CNNM3: variants seen among roughly 807,000 people sequenced by gnomAD.
The protein encoded by CNNM3 is metal transporter CNNM3.
In CNNM3, 47 loss-of-function variants were observed where a neutral mutation model predicts 57.1. That is an observed-to-expected ratio of 0.82 (90% CI 0.65 to 1.05). The LOEUF (loss-of-function observed/expected upper bound fraction) is 1.05. Among genes scored for constraint, CNNM3 ranks in the 50% least tolerant of loss-of-function variants. CNNM3 has a pLI of 0.00. For missense variants in CNNM3, 957 were observed against 973.7 expected (o/e 0.98, Z 0.23); for synonymous variants, 507 against 478.2 (o/e 1.06, Z -0.79).
chr2:96,816,551 TC>T lies in CNNM3; in HGVS notation c.279del (p.Ala94ArgfsTer63). 3 of 1,323,910 alleles carry T rather than the reference TC, an allele frequency of 2.3e-6. No individual in the cohort carries two copies. Among genetic ancestry groups the T allele is most frequent in the South Asian group, 2.0e-5 (1 of 48,784 alleles). 82.0% of individuals were successfully genotyped at this position (1,323,910 alleles called of 1,614,324 possible). On this transcript the variant is annotated frameshift_variant, in exon 1 of 8. Coordinates refer to ENST00000305510, the MANE Select transcript of CNNM3 (RefSeq NM_017623.5). LOFTEE classifies it high-confidence loss of function. ...GGCGGGCTGCCGGGAGGAGGCGGCCTCCCCCGCGGGCGAGTGGCGCGCGCTG... is the reference window on the plus strand; with the variant it reads ...GGCGGGCTGCCGGGAGGAGGCGGCCTCCCCGCGGGCGAGTGGCGCGCGCTG... ...EGAGCREEAA[S>X]PAGEWRALLR...
At chr2:96,835,718 C>T (rs1443554531), downstream of CNNM3, among the ~76,000 whole-genome samples, 5 of 152,228 alleles carry the variant, frequency 3.3e-5, no homozygotes, top group East Asian at 1.9e-4. Context: ...CTGCCCGCCT[C>T]AGCCTCCCAA....
rs1198639867 is a variant in CNNM3, at chr2:96,817,360, C to T, written c.1083C>T (p.Asp361=). ...VYEEERSNIV[D]MLYLKDLAFV... is the part of the protein sequence containing the mutation. ...AGGAGGAGCGCTCCAACATCGTGGA[C>T]ATGCTCTACCTCAAGGACTTGGCCT... is the stretch of plus-strand genomic sequence containing the variant. Residue 361 remains aspartate, a synonymous_variant, in exon 1 of 8, where the codon GAC becomes GAT. Coordinates refer to ENST00000305510, the MANE Select transcript of CNNM3 (RefSeq NM_017623.5). The T allele has an allele frequency of 6.2e-7, 1 of 1,614,210 alleles. No individual in the cohort carries two copies. The highest frequency in any genetic ancestry group is 1.7e-5 in the Admixed American group (1 of 60,034).
intron 7 of CNNM3, among the ~76,000 whole-genome samples, chr2:96,829,543 C>G (rs1358534577): frequency 6.6e-6 from 1 of 151,432 alleles, no homozygotes. Flanking sequence ...TCAGATGATC[C>G]GCCTGCCTCA....
chr2:96,824,451 GTCTA>G (rs1338151195), intron 1 of CNNM3: 4 of 154,262 alleles, frequency 2.6e-5, no homozygotes, highest in Non-Finnish European at 2.9e-5. Context: ...CATACACACA[GTCTA>G]TCTGTCTGTC....
chr2:96,823,570 G>A (rs542816036), intron 1 of CNNM3, among the ~76,000 whole-genome samples: 12 of 152,340 alleles, frequency 7.9e-5, no homozygotes, highest in African/African-American at 2.6e-4. Context: ...CCGGAAAGCG[G>A]GGAGACGATT....
At chr2:96,827,106 TG>T in intron 3 of CNNM3, 124 bp downstream of exon 3, 1 of 1,051,162 alleles carries the variant, frequency 9.5e-7, no homozygotes, top group Non-Finnish European at 1.4e-6. Context: ...TGAGGACTTC[TG>T]TGTTCTCTGC....
chr2:96,826,779 C>A, intron 2 of CNNM3, 54 bp from the exon 3 acceptor site: 1 of 1,604,688 alleles, frequency 6.2e-7, no homozygotes, highest in South Asian at 1.1e-5. Flanking sequence ...TTAGTGTGGT[C>A]GTGTTGACTG....
At chr2:96,836,095 T>G (rs2079687660), downstream of CNNM3, among the ~76,000 whole-genome samples, 1 of 147,626 alleles carries the variant, frequency 6.8e-6, no homozygotes, top group African/African-American at 2.5e-5. Flanking sequence ...CCCCTTTTTT[T>G]TTTCCTGAGA....
chr2:96,826,776 G>A (rs2079513264), intron 2 of CNNM3, 57 bp from the exon 3 acceptor site: 4 of 1,602,772 alleles, frequency 2.5e-6, no homozygotes, highest in Admixed American at 1.7e-5. Context: ...CCCTTAGTGT[G>A]GTCGTGTTGA....
In CNNM3 at chr2:96,825,053, C is replaced by T. The variant is rs746914908; in HGVS notation, c.1226-5C>T. 4 of 1,612,392 alleles carry T rather than the reference C, an allele frequency of 2.5e-6. No homozygotes were observed. In the South Asian group the frequency reaches 3.3e-5, roughly 13 times the overall value. ...AGCTGTTCCATGAGTGTCCTCCCCCCACAGGGAAGTCCCACCTGGCCATCG... is the reference window on the plus strand; with the variant it reads ...AGCTGTTCCATGAGTGTCCTCCCCCTACAGGGAAGTCCCACCTGGCCATCG... On this transcript the variant is annotated splice_polypyrimidine_tract_variant and splice_region_variant and intron_variant, in intron 1 of 7. Transcript: ENST00000305510.
intron 1 of CNNM3, chr2:96,824,518 CA>C (rs1422340716): frequency 6.4e-6 from 1 of 155,150 alleles, no homozygotes; most frequent in Non-Finnish European, 1.4e-5. Context: ...GACAAGAAGC[CA>C]TGCACATTTA....
intron 1 of CNNM3, among the ~76,000 whole-genome samples, chr2:96,823,574 G>T (rs892142795): frequency 6.6e-6 from 1 of 152,236 alleles, no homozygotes; most frequent in East Asian, 1.9e-4. Context: ...AAAGCGGGGA[G>T]ACGATTCATG....
At position 96,826,951 on chromosome 2, in the gene CNNM3, G is replaced by A. The variant is rs2079517102; in HGVS notation, c.1488G>A (p.Leu496=). 1 of 1,614,198 alleles carries A rather than the reference G, an allele frequency of 6.2e-7. No individual in the cohort carries two copies. The highest frequency in any genetic ancestry group is 8.5e-7 in the Non-Finnish European group (1 of 1,180,032). ...ATAAAGTAACAATCTCGCCTCAGCT[G>A]CTCTTGGCCACCCAGCGCTTCCTGT... ...DEYKVTISPQ[L]LLATQRFLSR... is the part of the protein sequence containing the mutation. Residue 496 remains leucine, a synonymous_variant, in exon 3 of 8, where the codon CTG becomes CTA. Transcript: ENST00000305510.
At chr2:96,819,419 C>G (rs1027932050) in intron 1 of CNNM3, among the ~76,000 whole-genome samples, 6 of 152,168 alleles carry the variant, frequency 3.9e-5, no homozygotes, top group African/African-American at 1.4e-4. Context: ...AACAGACCTG[C>G]GGGGGGAGAC....
intron 6 of CNNM3, 140 bp from the exon 7 acceptor site, chr2:96,828,856 A>G: frequency 8.1e-6 from 12 of 1,481,638 alleles, no homozygotes; most frequent in Non-Finnish European, 1.1e-5. Flanking sequence ...TCTTAAAAAC[A>G]CTTGACTCAG....
Position 96,834,422 on chromosome 2 carries a change from G to A in CNNM3, c.*1806G>A, listed in dbSNP as rs1203839484. 6.6e-6 allele frequency among the ~76,000 whole-genome samples: 1 copy of A among 151,664 alleles called. No homozygotes were observed. Among genetic ancestry groups the A allele is most frequent in the Non-Finnish European group, 1.5e-5 (1 of 67,980 alleles). On this transcript the variant is annotated 3_prime_UTR_variant, in exon 8 of 8. Coordinates refer to ENST00000305510, the MANE Select transcript of CNNM3 (RefSeq NM_017623.5). The stretch of plus-strand genomic sequence containing the variant: ...TGCAGTGGTGTGATCACGGCTTGCT[G>A]CAGCCTCGACCTCCCTGGTTCAGGC...
chr2:96,828,830 C>T lies in CNNM3; in HGVS notation c.1920+130C>T, dbSNP rs1337687274. The T allele has an allele frequency of 1.8e-5, 27 of 1,477,688 alleles. No homozygotes were observed. The Admixed American group carries it at 2.2e-4, about 12-fold the overall frequency. The allele number at this position is 1,477,688 out of a possible 1,614,324, so 91.5% of individuals were successfully genotyped here. A position where few individuals can be genotyped will look rare whatever the true frequency, so the allele number is the denominator to read the frequency against. ...CCTGAGGGACACAGACCTTTGCACC[C>T]AGTTTCCAAGCAAGGTCTTAAAAAC... On this transcript the variant is annotated intron_variant, in intron 6 of 7. Coordinates refer to ENST00000305510, the MANE Select transcript of CNNM3 (RefSeq NM_017623.5).
intron 4 of CNNM3, 21 bp from the exon 5 acceptor site, chr2:96,828,078 T>C (rs1315148351): frequency 6.2e-7 from 1 of 1,609,496 alleles, no homozygotes; most frequent in African/African-American, 1.3e-5. Context: ...CATCTGTTTC[T>C]CTCCTTGCCA....
rs538556488 is a variant in CNNM3, at chr2:96,817,368, A to G, written c.1091A>G (p.Tyr364Cys). The change falls in exon 1 of 8, where the codon TAC becomes TGC. Residue 364 changes from tyrosine to cysteine, a missense_variant. Physicochemically the swap from Tyr to Cys is radical, Grantham distance 194 (BLOSUM62 -2). Coordinates refer to ENST00000305510, the MANE Select transcript of CNNM3 (RefSeq NM_017623.5). ...CGCTCCAACATCGTGGACATGCTCTACCTCAAGGACTTGGCCTTCGTGGAT... is the reference window on the plus strand; with the variant it reads ...CGCTCCAACATCGTGGACATGCTCTGCCTCAAGGACTTGGCCTTCGTGGAT... ...EERSNIVDML[Y>C]LKDLAFVDPE... 2 of 1,614,106 alleles carry G rather than the reference A, an allele frequency of 1.2e-6. No homozygotes were observed. The highest frequency in any genetic ancestry group is 3.3e-5 in the Admixed American group (2 of 60,030).
Sources: gnomAD v4.1 joint callset for allele counts (sites outside exome capture counted in the v4.1 genomes callset) on GRCh38, gnomAD v4.1.1 for gene constraint, MANE v1.5 for transcripts, NCBI Gene and HGNC (gene_info 2026-07-23, HGNC 2026-07-21) for gene names.